ROCK1: variants seen among roughly 807,000 people sequenced by gnomAD.
The protein encoded by ROCK1 is rho-associated protein kinase 1.
ROCK1 carries 36 observed loss-of-function variants against 196.8 expected under a neutral mutation model. That is an observed-to-expected ratio of 0.18 (90% CI 0.14 to 0.24). ROCK1 has a LOEUF of 0.24. ROCK1 is among the 10% of genes least tolerant of loss of function. ROCK1 has a pLI of 1.00. For missense variants in ROCK1, 920 were observed against 1,562.0 expected (o/e 0.59, Z 6.93); for synonymous variants, 443 against 515.9 (o/e 0.86, Z 1.91).
At chr18:21,104,934 C>G (rs940615814) in intron 1 of ROCK1, among the ~76,000 whole-genome samples, 3 of 152,128 alleles carry the variant, frequency 2.0e-5, no homozygotes, top group Admixed American at 6.5e-5. Context: ...ACGTCAATAA[C>G]GCACAGCTAG....
chr18:20,972,556 A>C (rs73959763), intron 22 of ROCK1, among the ~76,000 whole-genome samples: 1,569 of 152,322 alleles, frequency 0.01, 33 homozygotes, highest in African/African-American at 0.036. Context: ...GAATGGAAAA[A>C]GGAACAAAGG....
chr18:21,050,468 TA>T (rs1407185224), intron 2 of ROCK1, among the ~76,000 whole-genome samples: 1 of 152,146 alleles, frequency 6.6e-6, no homozygotes, highest in African/African-American at 2.4e-5. Flanking sequence ...ATTATTTATA[TA>T]AACTTGTCAT....
chr18:20,946,953 A>G lies in ROCK1; in HGVS notation c.*4431T>C, dbSNP rs998825962. ...TAGCCAAACCATCCTACATGGTACA[A>G]GAAACCAATTTATAGGATTAACATA... On this transcript the variant is annotated 3_prime_UTR_variant, in exon 33 of 33. Transcript: ENST00000399799. The G allele has an allele frequency of 1.3e-5, 2 of 152,246 alleles. No homozygotes were observed. Among genetic ancestry groups the G allele is most frequent in the African/African-American group, 2.4e-5 (1 of 41,462 alleles). 9.4% of individuals were successfully genotyped at this position (152,246 alleles called of 1,614,324 possible).
At chr18:21,081,367 A>C (rs2036481433) in intron 1 of ROCK1, among the ~76,000 whole-genome samples, 1 of 152,144 alleles carries the variant, frequency 6.6e-6, no homozygotes, top group Non-Finnish European at 1.5e-5. Flanking sequence ...AAATCAGTGC[A>C]AAGGAGGAAA....
At chr18:21,097,515 T>C (rs10468929) in intron 1 of ROCK1, among the ~76,000 whole-genome samples, 4 of 152,246 alleles carry the variant, frequency 2.6e-5, no homozygotes, top group Non-Finnish European at 5.9e-5. Flanking sequence ...GCCTATGACG[T>C]ATTATCATGA....
chr18:20,996,090 T>C (rs1255098340), intron 16 of ROCK1, among the ~76,000 whole-genome samples: 2 of 152,138 alleles, frequency 1.3e-5, no homozygotes, highest in African/African-American at 4.8e-5. Context: ...GGACCAATCC[T>C]GGAGAGACAG....
intron 2 of ROCK1, among the ~76,000 whole-genome samples, chr18:21,059,171 GT>G (rs1425010042): frequency 6.6e-6 from 1 of 152,118 alleles, no homozygotes; most frequent in Non-Finnish European, 1.5e-5. Flanking sequence ...GCAATGCCTA[GT>G]TATTTGCAAT....
At chr18:20,997,107 T>C (rs1385199590) in intron 16 of ROCK1, among the ~76,000 whole-genome samples, 2 of 151,742 alleles carry the variant, frequency 1.3e-5, no homozygotes, top group Non-Finnish European at 2.9e-5. Flanking sequence ...TTATTAACAA[T>C]AACAGTGAAT....
intron 16 of ROCK1, among the ~76,000 whole-genome samples, chr18:20,999,208 C>CT (rs1358274390): frequency 1.3e-5 from 2 of 151,612 alleles, no homozygotes; most frequent in African/African-American, 4.8e-5. Context: ...TAGCAAAAAA[C>CT]TAATTTAAAT....
intron 27 of ROCK1, among the ~76,000 whole-genome samples, chr18:20,965,464 A>C (rs901305770): frequency 6.6e-6 from 1 of 152,050 alleles, no homozygotes; most frequent in African/African-American, 2.4e-5. Context: ...GTAAGAATGT[A>C]TACATACATA....
intron 29 of ROCK1, among the ~76,000 whole-genome samples, chr18:20,959,069 T>TATAATA (rs1296768845): frequency 9.0e-5 from 4 of 44,692 alleles, no homozygotes; most frequent in African/African-American, 6.7e-4. Context: ...ATATTTTATA[T>TATAATA]TATATAATAT....
chr18:20,996,721 T>C (rs965504829), intron 16 of ROCK1, among the ~76,000 whole-genome samples: 7 of 152,126 alleles, frequency 4.6e-5, no homozygotes, highest in Non-Finnish European at 1.0e-4. Flanking sequence ...TGATCAAAAA[T>C]AACAACTATA....
At chr18:21,000,512 C>T (rs781040706) in intron 16 of ROCK1, among the ~76,000 whole-genome samples, 9 of 152,240 alleles carry the variant, frequency 5.9e-5, no homozygotes, top group East Asian at 1.9e-4. Context: ...ATCTGCCCAG[C>T]GCAGCCTCCC....
At chr18:20,963,528 A>G (rs2035346205) in intron 27 of ROCK1, among the ~76,000 whole-genome samples, 1 of 152,178 alleles carries the variant, frequency 6.6e-6, no homozygotes, top group Non-Finnish European at 1.5e-5. Flanking sequence ...ACACACCAAG[A>G]GATCCACCAT....
intron 2 of ROCK1, among the ~76,000 whole-genome samples, chr18:21,061,562 G>T (rs896975046): frequency 6.6e-6 from 1 of 152,194 alleles, no homozygotes; most frequent in African/African-American, 2.4e-5. Context: ...ACAAGACTAT[G>T]TGTTTGTTAA....
chr18:21,026,944 T>C (rs2035963087), intron 10 of ROCK1, among the ~76,000 whole-genome samples: 1 of 150,400 alleles, frequency 6.6e-6, no homozygotes, highest in Admixed American at 6.6e-5. Context: ...TCTTTCTTTT[T>C]TTTTTTTTTT....
intron 27 of ROCK1, among the ~76,000 whole-genome samples, chr18:20,963,089 C>A (rs2035342170): frequency 6.6e-6 from 1 of 152,064 alleles, no homozygotes; most frequent in Non-Finnish European, 1.5e-5. Flanking sequence ...GAAACTCCCA[C>A]TGAGAGAACC....
chr18:20,974,950 A>C (rs1285350243), intron 22 of ROCK1, among the ~76,000 whole-genome samples: 1 of 152,210 alleles, frequency 6.6e-6, no homozygotes, highest in Admixed American at 6.5e-5. Context: ...TCCCCTTGCC[A>C]TAACAGCCAA....
In ROCK1 at chr18:21,051,472, G is replaced by A. The variant is rs191274840; in HGVS notation, c.176-1592C>T. Among the ~76,000 whole-genome samples, 4 of 152,088 alleles carry A rather than the reference G, an allele frequency of 2.6e-5. No homozygotes were observed. The East Asian group carries it at 7.7e-4, about 29-fold the overall frequency. ...CTGTCTCAAAAAAAGGAAAGAACAAGTGAACAATATAAGCAGACAAGCAAT... is the reference window on the plus strand; with the variant it reads ...CTGTCTCAAAAAAAGGAAAGAACAAATGAACAATATAAGCAGACAAGCAAT... On this transcript the variant is annotated intron_variant, in intron 2 of 32. Coordinates refer to ENST00000399799, the MANE Select transcript of ROCK1 (RefSeq NM_005406.3).
Sources: gnomAD v4.1 joint callset for allele counts (sites outside exome capture counted in the v4.1 genomes callset) on GRCh38, gnomAD v4.1.1 for gene constraint, MANE v1.5 for transcripts, NCBI Gene and HGNC (gene_info 2026-07-23, HGNC 2026-07-21) for gene names.